Variants in CSTPP1 observed in about 807,000 individuals in gnomAD.
CSTPP1 encodes UPF0705 protein C11orf49.
At chr11:47,003,628 C>G in the CSTPP1 span, among the ~76,000 whole-genome samples, 1 of 152,222 alleles carries the variant, frequency 6.6e-6, no homozygotes, top group African/African-American at 2.4e-5. Flanking sequence ...TGATTCCCTT[C>G]TTCAACTATC....
At chr11:47,163,143 G>A in the CSTPP1 span, among the ~76,000 whole-genome samples, 4 of 145,766 alleles carry the variant, frequency 2.7e-5, no homozygotes, top group East Asian at 2.1e-4. Flanking sequence ...CTGCACTCCC[G>A]TCTGAGTGAC....
the CSTPP1 span, among the ~76,000 whole-genome samples, chr11:47,140,385 C>T: frequency 6.6e-6 from 1 of 151,642 alleles, no homozygotes; most frequent in Admixed American, 6.6e-5. Context: ...GATCGTTCCC[C>T]TTTGGGCAGA....
chr11:47,146,797 A>AGT, the CSTPP1 span, among the ~76,000 whole-genome samples: 1 of 152,222 alleles, frequency 6.6e-6, no homozygotes, highest in Non-Finnish European at 1.5e-5. Flanking sequence ...GAAAGAATAA[A>AGT]GTGTGGCATA....
the CSTPP1 span, among the ~76,000 whole-genome samples, chr11:47,088,869 C>T: frequency 6.6e-6 from 1 of 152,022 alleles, no homozygotes; most frequent in Admixed American, 6.6e-5. Flanking sequence ...ATTTAATAGG[C>T]ATACATAAAA....
At chr11:46,942,405 A>G in the CSTPP1 span, among the ~76,000 whole-genome samples, 1 of 152,168 alleles carries the variant, frequency 6.6e-6, no homozygotes, top group Non-Finnish European at 1.5e-5. Flanking sequence ...TGCCAAACAT[A>G]CCACCTACGT....
the CSTPP1 span, among the ~76,000 whole-genome samples, chr11:47,134,410 C>T: frequency 6.6e-6 from 1 of 152,178 alleles, no homozygotes; most frequent in Non-Finnish European, 1.5e-5. Flanking sequence ...AGGCTGGTCT[C>T]GAACTCCTGA....
At chr11:47,141,643 T>A in the CSTPP1 span, among the ~76,000 whole-genome samples, 1 of 149,306 alleles carries the variant, frequency 6.7e-6, no homozygotes, top group Admixed American at 6.7e-5. Context: ...GAATTGTATA[T>A]GTGGTCTTGG....
the CSTPP1 span, chr11:47,052,313 G>C: frequency 1.3e-6 from 2 of 1,526,618 alleles, no homozygotes; most frequent in Non-Finnish European, 1.8e-6. Context: ...GGTTCTCTCT[G>C]GTCTCAATTT....
the CSTPP1 span, among the ~76,000 whole-genome samples, chr11:47,038,403 C>T: frequency 5.7e-5 from 5 of 87,062 alleles, no homozygotes; most frequent in Non-Finnish European, 1.1e-4. Flanking sequence ...TAGGGGCGGC[C>T]GGGCAGAGGC....
the CSTPP1 span, among the ~76,000 whole-genome samples, chr11:47,029,125 G>T: frequency 6.6e-6 from 1 of 151,964 alleles, no homozygotes; most frequent in Admixed American, 6.6e-5. Context: ...GATTACAAGT[G>T]TGAGCCACTG....
chr11:46,987,500 T>C, the CSTPP1 span: 2 of 569,720 alleles, frequency 3.5e-6, no homozygotes, highest in South Asian at 2.2e-5. Context: ...GTTTGTCCAG[T>C]GATGTCTCAT....
the CSTPP1 span, among the ~76,000 whole-genome samples, chr11:47,099,930 G>A: frequency 7.9e-5 from 12 of 152,106 alleles, no homozygotes; most frequent in Admixed American, 2.0e-4. Flanking sequence ...GTATGAATGG[G>A]TTTTTTATAG....
At chr11:47,033,266 A>G in the CSTPP1 span, among the ~76,000 whole-genome samples, 41 of 152,172 alleles carry the variant, frequency 2.7e-4, no homozygotes, top group East Asian at 7.2e-3. Flanking sequence ...AAATGTTTCT[A>G]TATGGTACCA....
the CSTPP1 span, among the ~76,000 whole-genome samples, chr11:47,036,204 ATAT>A: frequency 1.9e-5 from 1 of 53,222 alleles, no homozygotes; most frequent in African/African-American, 5.8e-5. Context: ...TATATATTAT[ATAT>A]TATATTAATA....
chr11:46,968,380 A>T, the CSTPP1 span, among the ~76,000 whole-genome samples: 3 of 146,762 alleles, frequency 2.0e-5, no homozygotes, highest in African/African-American at 7.4e-5. Context: ...ATTATATATA[A>T]TATTTAATAT....
the CSTPP1 span, among the ~76,000 whole-genome samples, chr11:46,994,918 G>A: frequency 5.9e-5 from 9 of 152,012 alleles, no homozygotes; most frequent in African/African-American, 1.9e-4. Flanking sequence ...GACTTTTTTT[G>A]GTTGGTAGGC....
chr11:47,030,501 GTTAT>G, the CSTPP1 span, among the ~76,000 whole-genome samples: 3 of 152,134 alleles, frequency 2.0e-5, no homozygotes, highest in Non-Finnish European at 4.4e-5. Flanking sequence ...TATGGTTACA[GTTAT>G]TTATTTATTT....
chr11:47,102,699 C>G, the CSTPP1 span, among the ~76,000 whole-genome samples: 1 of 152,142 alleles, frequency 6.6e-6, no homozygotes, highest in East Asian at 1.9e-4. Flanking sequence ...GTGTTTGTCC[C>G]TAAGCATGGG....
chr11:46,958,713 C>G, the CSTPP1 span, among the ~76,000 whole-genome samples: 1 of 151,290 alleles, frequency 6.6e-6, no homozygotes, highest in Non-Finnish European at 1.5e-5. Context: ...AGGTAGAGAA[C>G]CAGGAAAGCC....
Sources: gnomAD v4.1 joint callset for allele counts (sites outside exome capture counted in the v4.1 genomes callset) on GRCh38, gnomAD v4.1.1 for gene constraint, MANE v1.5 for transcripts, NCBI Gene and HGNC (gene_info 2026-07-23, HGNC 2026-07-21) for gene names.